PHACTR2: variants seen among roughly 807,000 people sequenced by gnomAD.
PHACTR2 encodes phosphatase and actin regulator 2.
A neutral mutation model predicts 76.0 loss-of-function variants in PHACTR2; 30 were observed. The observed-to-expected ratio is 0.39, with a 90% CI of 0.30 to 0.54. The LOEUF is 0.54. Ranked by LOEUF, PHACTR2 falls within the 20% of genes least tolerant of loss-of-function variation. The pLI, the probability that PHACTR2 is intolerant of heterozygous loss-of-function variation, is 0.61. For missense variants in PHACTR2, 696 were observed against 781.1 expected, an observed-to-expected ratio of 0.89 and a Z score of 1.30; for synonymous variants, 292 against 292.5, an observed-to-expected ratio of 1.00 and a Z score of 0.02.
At chr6:143,545,197 G>C (rs1280046113) in intron 1 of PHACTR2, among the ~76,000 whole-genome samples, 2 of 152,104 alleles carry the variant, frequency 1.3e-5, no homozygotes, top group Non-Finnish European at 2.9e-5. Context: ...CACCCACCTA[G>C]GCCTCCCAAA....
Position 143,686,622 on chromosome 6 carries a change from G to A in PHACTR2, c.46+8413G>A, listed in dbSNP as rs868649404. ...CCTGCCTCAGCCTCCCAGGTAGCTGGAATTACAGGCGTGAGCCACCATGCC... is the reference window on the plus strand; with the variant it reads ...CCTGCCTCAGCCTCCCAGGTAGCTGAAATTACAGGCGTGAGCCACCATGCC... On this transcript the variant is annotated intron_variant, in intron 1 of 12. Coordinates refer to ENST00000440869, the MANE Select transcript of PHACTR2 (RefSeq NM_001100164.2). 2.0e-5 allele frequency among the ~76,000 whole-genome samples: 3 copies of A among 151,628 alleles called. No homozygotes were observed. In the South Asian group the frequency reaches 6.2e-4, roughly 32 times the overall value.
intron 1 of PHACTR2, among the ~76,000 whole-genome samples, chr6:143,626,431 G>A (rs376332414): frequency 3.2e-4 from 49 of 152,026 alleles, no homozygotes; most frequent in African/African-American, 1.2e-3. Flanking sequence ...CAGGTACTCC[G>A]GAGGCTGAGG....
At chr6:143,575,731 T>C (rs964696869) in intron 1 of PHACTR2, among the ~76,000 whole-genome samples, 2 of 152,088 alleles carry the variant, frequency 1.3e-5, no homozygotes, top group Non-Finnish European at 2.9e-5. Context: ...TTTTTAACTA[T>C]TTAATGTTTA....
intron 1 of PHACTR2, among the ~76,000 whole-genome samples, chr6:143,687,582 G>A (rs1008742989): frequency 4.6e-5 from 7 of 152,118 alleles, no homozygotes; most frequent in African/African-American, 9.7e-5. Flanking sequence ...ACAGAAATGC[G>A]GAAAGGAATG....
At chr6:143,745,514 A>G (rs1488812296) in intron 2 of PHACTR2, among the ~76,000 whole-genome samples, 2 of 152,260 alleles carry the variant, frequency 1.3e-5, no homozygotes, top group Non-Finnish European at 1.5e-5. Flanking sequence ...GTGTTGGACT[A>G]GAATGACCTC....
At chr6:143,605,086 C>T (rs1446492282), upstream of PHACTR2, among the ~76,000 whole-genome samples, 1 of 151,612 alleles carries the variant, frequency 6.6e-6, no homozygotes, top group Admixed American at 6.6e-5. This position sits in a 1 kb window ranked among gnomAD's most constrained non-coding sequence, Gnocchi z 5.0. Context: ...CCAGACAGGC[C>T]CGGCATCCCA....
intron 6 of PHACTR2, among the ~76,000 whole-genome samples, chr6:143,771,051 T>A (rs1333456841): frequency 6.9e-6 from 1 of 145,294 alleles, no homozygotes; most frequent in African/African-American, 2.5e-5. Context: ...GTTTTAAAAA[T>A]GAAAACACAC....
rs1461130099 is a variant in PHACTR2, at chr6:143,684,246, G to T, written c.46+6037G>T. On this transcript the variant is annotated intron_variant, in intron 1 of 12. Transcript: ENST00000440869. This position sits in a 1 kb window ranked among gnomAD's most constrained non-coding sequence, Gnocchi z 4.3. ...AGAGGTAACATGGATCTAATGGAAG[G>T]TTTGATTTTGTCCTCCAAGCCAGTT... is the stretch of plus-strand genomic sequence containing the variant. Among the ~76,000 whole-genome samples, 1 of 152,064 alleles carries T rather than the reference G, an allele frequency of 6.6e-6. No individual in the cohort carries two copies. Among genetic ancestry groups the T allele is most frequent in the Non-Finnish European group, 1.5e-5 (1 of 68,018 alleles).
chr6:143,678,356 A>G lies in PHACTR2; in HGVS notation c.46+147A>G. ...AGAAACCCCAGAGGTAGCGCTCGCC[A>G]AACTCTTTGTCGTGAAAGAGGAATG... is the stretch of plus-strand genomic sequence containing the variant. On this transcript the variant is annotated intron_variant, in intron 1 of 12. Coordinates refer to ENST00000440869, the MANE Select transcript of PHACTR2 (RefSeq NM_001100164.2). This position sits in a 1 kb window ranked among gnomAD's most constrained non-coding sequence, Gnocchi z 6.2. The G allele has an allele frequency of 1.5e-6, 1 of 680,274 alleles. No individual in the cohort carries two copies. The highest frequency in any genetic ancestry group is 2.2e-6 in the Non-Finnish European group (1 of 456,532). The allele number at this position is 680,274 out of a possible 1,614,324, so 42.1% of individuals were successfully genotyped here.
intron 11 of PHACTR2, among the ~76,000 whole-genome samples, chr6:143,790,262 AT>A (rs1024949703): frequency 1.3e-5 from 2 of 151,620 alleles, no homozygotes; most frequent in Non-Finnish European, 2.9e-5. Flanking sequence ...CAAGGGAGTG[AT>A]TTTTTTTTAA....
chr6:143,756,539 C>CA (rs1225711052), intron 4 of PHACTR2, among the ~76,000 whole-genome samples: 40 of 147,510 alleles, frequency 2.7e-4, no homozygotes, highest in South Asian at 6.4e-4. Context: ...ACTAAAAATA[C>CA]AAAAAAAAAA....
chr6:143,805,733 A>G (rs1232831835), intron 11 of PHACTR2, among the ~76,000 whole-genome samples: 1 of 152,174 alleles, frequency 6.6e-6, no homozygotes, highest in Non-Finnish European at 1.5e-5. Flanking sequence ...CATTATTGTC[A>G]CAGTTCCTAG....
chr6:143,666,019 C>G (rs1206170723), intron 1 of PHACTR2, among the ~76,000 whole-genome samples: 1 of 152,028 alleles, frequency 6.6e-6, no homozygotes, highest in Non-Finnish European at 1.5e-5. Flanking sequence ...CTATCCCTCC[C>G]CTAGGCCCCC....
At chr6:143,728,809 A>T (rs924856663) in intron 2 of PHACTR2, among the ~76,000 whole-genome samples, 9 of 152,272 alleles carry the variant, frequency 5.9e-5, no homozygotes, top group African/African-American at 2.2e-4. Flanking sequence ...ATAGACACCT[A>T]TGTCTCACAG....
At chr6:143,622,684 T>C (rs541685123) in intron 1 of PHACTR2, among the ~76,000 whole-genome samples, 2 of 152,270 alleles carry the variant, frequency 1.3e-5, no homozygotes, top group African/African-American at 4.8e-5. Flanking sequence ...CTTAATGAGG[T>C]TAGTAAAAAT....
At position 143,667,285 on chromosome 6, in the gene PHACTR2, G is replaced by A. The variant is rs769361251; in HGVS notation, c.14-44731G>A. Among the ~76,000 whole-genome samples the A allele has an allele frequency of 3.7e-4, 57 of 152,268 alleles. 1 individual carries two copies. Among genetic ancestry groups the A allele is most frequent in the Admixed American group, 8.5e-4 (13 of 15,296 alleles). ...ATGCTGCTTTGGTTACTGTAGCCTT[G>A]TAGTATAGTTTGAAGTCAGGTAGTG... On this transcript the variant is annotated intron_variant, in intron 1 of 11. Transcript: ENST00000305766.
rs1257354190 is a variant in PHACTR2 at position 143,722,153 on chromosome 6, C to T, written c.214+9970C>T. Reference sequence around the variant, plus strand: ...CACTTTTCTGCTTATTTAATGTTCTCTTTGTGGAAAATATCACCCAGAGCC... The same window carrying T: ...CACTTTTCTGCTTATTTAATGTTCTTTTTGTGGAAAATATCACCCAGAGCC... On this transcript the variant is annotated intron_variant, in intron 2 of 12. Transcript: ENST00000440869. The surrounding 1 kb of genome is among the most constrained non-coding windows in gnomAD (Gnocchi z 4.1). 6.6e-6 allele frequency among the ~76,000 whole-genome samples: 1 copy of T among 152,166 alleles called. No individual in the cohort carries two copies. Among genetic ancestry groups the T allele is most frequent in the Non-Finnish European group, 1.5e-5 (1 of 68,024 alleles).
chr6:143,569,725 G>A (rs530644032), intron 1 of PHACTR2, among the ~76,000 whole-genome samples: 149 of 152,308 alleles, frequency 9.8e-4, no homozygotes, highest in African/African-American at 3.4e-3. Flanking sequence ...GGCAAGTGAT[G>A]TGTCTTTCCC....
intron 1 of PHACTR2, among the ~76,000 whole-genome samples, chr6:143,635,642 T>G (rs1776439257): frequency 6.6e-6 from 1 of 152,202 alleles, no homozygotes; most frequent in Admixed American, 6.5e-5. Flanking sequence ...AATTATTGTT[T>G]TAATTTGTTT....
Sources: gnomAD v4.1 joint callset for allele counts (sites outside exome capture counted in the v4.1 genomes callset) on GRCh38, gnomAD v4.1.1 for gene constraint, Gnocchi (gnomAD v3.1) non-coding constraint, MANE v1.5 for transcripts, NCBI Gene and HGNC (gene_info 2026-07-23, HGNC 2026-07-21) for gene names.